Variants in RMND1 observed in about 807,000 individuals in gnomAD.
RMND1 encodes the protein required for meiotic nuclear division protein 1 homolog.
In RMND1, 41 loss-of-function variants were observed where a neutral mutation model predicts 54.0. The observed-to-expected ratio is 0.76, with a 90% CI of 0.59 to 0.98. RMND1 has a LOEUF of 0.98. Among genes scored for constraint, RMND1 ranks in the 50% least tolerant of loss-of-function variants. RMND1 has a pLI of 0.00. For missense variants in RMND1, 457 were observed against 532.0 expected (o/e 0.86, Z 1.39); for synonymous variants, 183 against 181.7 (o/e 1.01, Z -0.06).
chr6:151,449,008 C>T (rs1225162581), intron 1 of RMND1, among the ~76,000 whole-genome samples: 23 of 123,994 alleles, frequency 1.9e-4, no homozygotes, highest in African/African-American at 6.4e-4. Context: ...ATCTGGGAGG[C>T]GGAGATTGCG....
At chr6:151,423,134 G>A (rs901995356) in intron 7 of RMND1, among the ~76,000 whole-genome samples, 13 of 152,144 alleles carry the variant, frequency 8.5e-5, no homozygotes, top group African/African-American at 2.9e-4. Flanking sequence ...GTGACTCTGG[G>A]TCCCATTCCT....
At chr6:151,434,562 A>G (rs1293149567) in intron 3 of RMND1, among the ~76,000 whole-genome samples, 2 of 152,216 alleles carry the variant, frequency 1.3e-5, no homozygotes, top group Admixed American at 6.5e-5. Flanking sequence ...GGCAGCCTTC[A>G]GCATCAGCCA....
chr6:151,405,816 C>G lies in RMND1; in HGVS notation c.1221G>C (p.Gln407His). 6.2e-7 allele frequency: 1 copy of G among 1,608,782 alleles called. No individual in the cohort carries two copies. Among genetic ancestry groups the G allele is most frequent in the Non-Finnish European group, 8.5e-7 (1 of 1,175,596 alleles). ...TTAGATCTGTTAGTTCCATGCAGTG[C>G]TGAAGTTTTTCATTCATGACCTATG... ...RRVKVMNEKL[Q>H]HCMELTDLMR... Residue 407 changes from glutamine to histidine, a missense_variant, in exon 11 of 12, where the codon CAG becomes CAC. By Grantham distance (24) the Gln-to-His change is conservative. Coordinates refer to ENST00000444024, the MANE Select transcript of RMND1 (RefSeq NM_017909.4).
At chr6:151,423,447 C>G in intron 7 of RMND1, 78 bp downstream of exon 7, 1 of 904,152 alleles carries the variant, frequency 1.1e-6, no homozygotes, top group Non-Finnish European at 1.8e-6. Flanking sequence ...TGAAAATATA[C>G]CAAAATCGTG....
chr6:151,424,991 G>A (rs1780254791), intron 6 of RMND1, among the ~76,000 whole-genome samples: 1 of 152,120 alleles, frequency 6.6e-6, no homozygotes, highest in African/African-American at 2.4e-5. Flanking sequence ...CACCCAGACT[G>A]GAGTGTAGTG....
intron 3 of RMND1, among the ~76,000 whole-genome samples, chr6:151,434,993 C>A (rs1354788445): frequency 6.6e-6 from 1 of 151,948 alleles, no homozygotes; most frequent in East Asian, 1.9e-4. Context: ...GGATTACAGG[C>A]ACGTACCACC....
chr6:151,412,587 C>G (rs1779880342), intron 10 of RMND1, among the ~76,000 whole-genome samples: 4 of 152,182 alleles, frequency 2.6e-5, no homozygotes, highest in Admixed American at 2.6e-4. Context: ...AGTCCAGTCT[C>G]TCACTGCTAT....
intron 4 of RMND1, among the ~76,000 whole-genome samples, chr6:151,430,661 T>C (rs549910177): frequency 1.9e-4 from 29 of 152,330 alleles, no homozygotes; most frequent in Non-Finnish European, 2.9e-4. Context: ...CTCCCCACGC[T>C]CACAGTGCTT....
At chr6:151,418,931 C>T (rs191831482) in intron 9 of RMND1, among the ~76,000 whole-genome samples, 42 of 151,842 alleles carry the variant, frequency 2.8e-4, no homozygotes, top group Admixed American at 2.4e-3. Flanking sequence ...CCACCACGCC[C>T]GGCTAATTTT....
intron 10 of RMND1, among the ~76,000 whole-genome samples, chr6:151,416,100 T>G (rs1562786136): frequency 6.6e-6 from 1 of 151,836 alleles, no homozygotes; most frequent in Admixed American, 6.6e-5. Context: ...TGCCTCAGCC[T>G]CCCGAGTAGC....
chr6:151,427,467 T>G lies in RMND1; in HGVS notation c.830+15A>C. On this transcript the variant is annotated intron_variant, in intron 6 of 11. Transcript: ENST00000444024. ...CCAAGTGCCCCTTTCATAAATTTGA[T>G]GAAAAGTTGCTTACTCTATTTTTAT... 6.7e-7 allele frequency: 1 copy of G among 1,497,350 alleles called. No homozygotes were observed. The allele number at this position is 1,497,350 out of a possible 1,614,324, so 92.8% of individuals were successfully genotyped here. A position where few individuals can be genotyped will look rare whatever the true frequency, so the allele number is the denominator to read the frequency against.
chr6:151,423,765 A>G, intron 6 of RMND1, 134 bp from the exon 7 acceptor site: 1 of 668,558 alleles, frequency 1.5e-6, no homozygotes, highest in Non-Finnish European at 2.7e-6. Flanking sequence ...ATGTTCTCAT[A>G]TCCTTTGGTC....
At chr6:151,409,856 A>G (rs1163797930) in intron 10 of RMND1, among the ~76,000 whole-genome samples, 1 of 152,190 alleles carries the variant, frequency 6.6e-6, no homozygotes, top group Non-Finnish European at 1.5e-5. Flanking sequence ...ACAGGACTTC[A>G]GGGGATACTG....
chr6:151,450,968 C>A (rs972517863), intron 1 of RMND1, among the ~76,000 whole-genome samples: 11 of 152,202 alleles, frequency 7.2e-5, no homozygotes, highest in Admixed American at 2.0e-4. Context: ...AAGGGCGGTG[C>A]AAGATGTGCT....
intron 1 of RMND1, among the ~76,000 whole-genome samples, chr6:151,450,722 C>T (rs1447836455): frequency 6.6e-6 from 1 of 151,428 alleles, no homozygotes; most frequent in South Asian, 2.1e-4. Flanking sequence ...TCATTGAGAA[C>T]GGGACGGGAT....
chr6:151,413,455 G>T (rs1436880413), intron 10 of RMND1, among the ~76,000 whole-genome samples: 1 of 152,098 alleles, frequency 6.6e-6, no homozygotes, highest in Non-Finnish European at 1.5e-5. Context: ...GGCCAGGCTG[G>T]TCTTGAACTC....
intron 6 of RMND1, among the ~76,000 whole-genome samples, chr6:151,427,236 C>T (rs1041174815): frequency 2.6e-5 from 4 of 151,940 alleles, no homozygotes; most frequent in Non-Finnish European, 4.4e-5. Context: ...ATTAGCTGGG[C>T]GTGGTGGTGC....
At chr6:151,429,044 C>T (rs1205539735) in intron 5 of RMND1, among the ~76,000 whole-genome samples, 1 of 151,664 alleles carries the variant, frequency 6.6e-6, no homozygotes, top group Non-Finnish European at 1.5e-5. Flanking sequence ...GTGTGTGTTT[C>T]CTTTTCGTAA....
intron 6 of RMND1, among the ~76,000 whole-genome samples, 185 bp from the exon 7 acceptor site, chr6:151,423,816 T>C (rs1331181932): frequency 6.6e-6 from 1 of 151,906 alleles, no homozygotes; most frequent in African/African-American, 2.4e-5. Context: ...AAGGAAATAA[T>C]CTAAGATGCA....
Sources: allele counts gnomAD v4.1 joint callset (sites outside exome capture counted in the v4.1 genomes callset), GRCh38; gene constraint gnomAD v4.1.1; transcripts MANE v1.5; gene names NCBI Gene and HGNC (gene_info 2026-07-23, HGNC 2026-07-21).